Variants in GALR1 observed in about 807,000 individuals in gnomAD.
The protein encoded by GALR1 is galanin receptor 1.
GALR1 carries 11 observed loss-of-function variants against 17.9 expected under a neutral mutation model. That is an observed-to-expected ratio of 0.62 (90% CI 0.39 to 1.02). The LOEUF (loss-of-function observed/expected upper bound fraction) is 1.02, where lower values mean the gene tolerates loss of function less well. Ranked by LOEUF, GALR1 falls within the 50% of genes least tolerant of loss-of-function variation. The probability of loss-of-function intolerance (pLI) is 0.01; values close to 1 mark genes in which losing one functional copy is unlikely to be tolerated. For missense variants in GALR1, 441 were observed against 456.9 expected, an observed-to-expected ratio of 0.97 and a Z score of 0.32; for synonymous variants, 206 against 205.7, an observed-to-expected ratio of 1.00 and a Z score of -0.01.
chr18:77,254,726 G>A (rs751914763), intron 1 of GALR1, among the ~76,000 whole-genome samples: 7 of 152,162 alleles, frequency 4.6e-5, no homozygotes, highest in African/African-American at 1.7e-4. Flanking sequence ...CTGTTCTGTC[G>A]TTGCCTTGCA....
chr18:77,259,219 T>G (rs1301573449), intron 2 of GALR1, among the ~76,000 whole-genome samples: 5 of 70,264 alleles, frequency 7.1e-5, no homozygotes, highest in African/African-American at 2.6e-4. Context: ...TGGTGGCGAT[T>G]GTGGTGATGG....
chr18:77,250,633 A>T lies in GALR1; in HGVS notation c.85A>T (p.Ile29Phe). Reference sequence around the variant, plus strand: ...CCCGGAGCCCGGGCCGCTGTTCGGCATCGGCGTGGAGAACTTCGTCACGCT... The same window carrying T: ...CCCGGAGCCCGGGCCGCTGTTCGGCTTCGGCGTGGAGAACTTCGTCACGCT... ...PAPEPGPLFGIGVENFVTLVV... is the reference protein window; with the variant it reads ...PAPEPGPLFGFGVENFVTLVV... The change falls in exon 1 of 3, where the codon ATC (isoleucine) becomes TTC (phenylalanine). Residue 29 changes from isoleucine (I) to phenylalanine (F), a missense_variant. Coordinates refer to ENST00000299727, the MANE Select transcript of GALR1 (RefSeq NM_001480.4). 2 of 1,596,048 alleles carry T rather than the reference A, an allele frequency of 1.3e-6. No individual in the cohort carries two copies. Among genetic ancestry groups the T allele is most frequent in the Non-Finnish European group, 1.7e-6 (2 of 1,173,114 alleles).
chr18:77,267,324 G>T (rs1912964881), intron 2 of GALR1, among the ~76,000 whole-genome samples: 1 of 152,228 alleles, frequency 6.6e-6, no homozygotes, highest in Non-Finnish European at 1.5e-5. Context: ...CAGTGCATGG[G>T]CTGGGGAGCA....
At position 77,250,593 on chromosome 18, in the gene GALR1, G is replaced by A. The variant is rs1143093; in HGVS notation, c.45G>A (p.Trp15Ter). ...ACCTCAGCGAGGGCAACGCGAGCTG[G>A]CCGGAGCCCCCCGCCCCGGAGCCCG... is the stretch of plus-strand genomic sequence containing the variant. ...VGNLSEGNASWPEPPAPEPGP... is the reference protein window; with the variant it reads ...VGNLSEGNAS Residue 15 changes from tryptophan to a stop codon, truncating the protein, a stop_gained, in exon 1 of 3, where the codon TGG becomes TGA. Transcript: ENST00000299727. LOFTEE classifies it high-confidence loss of function. 1.3e-6 allele frequency: 2 copies of A among 1,550,804 alleles called. No homozygotes were observed. Among genetic ancestry groups the A allele is most frequent in the Admixed American group, 3.8e-5 (2 of 52,184 alleles).
chr18:77,265,875 G>A (rs761964565), intron 2 of GALR1, among the ~76,000 whole-genome samples: 5 of 152,184 alleles, frequency 3.3e-5, no homozygotes, highest in Non-Finnish European at 5.9e-5. Flanking sequence ...CCTGGGCTTG[G>A]ACATGAAACC....
Position 77,257,265 on chromosome 18 carries a change from C to A in GALR1, c.732+1042C>A, listed in dbSNP as rs575887301. 7.2e-5 allele frequency among the ~76,000 whole-genome samples: 11 copies of A among 152,052 alleles called. No individual in the cohort carries two copies. The East Asian group carries it at 2.1e-3, about 29-fold the overall frequency. ...TAGAGAATTGGTTATAGAGCACAAA[C>A]ATTAAGACTTTTTTTTTTCCCTGGC... is the stretch of plus-strand genomic sequence containing the variant. On this transcript the variant is annotated intron_variant, in intron 2 of 2. Transcript: ENST00000299727.
At chr18:77,253,013 CCACCACCACCATCACCACCAT>C (rs1912502598) in intron 1 of GALR1, among the ~76,000 whole-genome samples, 2 of 73,486 alleles carry the variant, frequency 2.7e-5, no homozygotes, top group East Asian at 3.8e-4. Flanking sequence ...ACCACCACCA[CCACCACCACCATCACCACCAT>C]CACCACCACC....
chr18:77,268,648 A>G lies in GALR1; in HGVS notation c.796A>G (p.Ile266Val). ...FGISWLPHHI[I>V]HLWAEFGVFP... ...AATCTCCTGGCTGCCGCACCACATC[A>G]TCCATCTCTGGGCTGAGTTTGGAGT... The change falls in exon 3 of 3, where the codon ATC (isoleucine) becomes GTC (valine). Residue 266 changes from isoleucine to valine, a missense_variant. Physicochemically the swap from Ile to Val is conservative, Grantham distance 29. Coordinates refer to ENST00000299727, the MANE Select transcript of GALR1 (RefSeq NM_001480.4). 6.2e-7 allele frequency: 1 copy of G among 1,613,934 alleles called. No homozygotes were observed. The highest frequency in any genetic ancestry group is 8.5e-7 in the Non-Finnish European group (1 of 1,179,986).
At chr18:77,254,897 G>A (rs1912551546) in intron 1 of GALR1, among the ~76,000 whole-genome samples, 1 of 152,230 alleles carries the variant, frequency 6.6e-6, no homozygotes, top group Admixed American at 6.5e-5. Context: ...CGGTAGGGGA[G>A]AGAATTTAAA....
At chr18:77,256,868 T>A (rs1912603493) in intron 2 of GALR1, among the ~76,000 whole-genome samples, 1 of 152,214 alleles carries the variant, frequency 6.6e-6, no homozygotes, top group South Asian at 2.1e-4. Context: ...GGTCATGATA[T>A]TCTACATTTT....
At chr18:77,260,046 A>G (rs1305774669) in intron 2 of GALR1, among the ~76,000 whole-genome samples, 2 of 152,090 alleles carry the variant, frequency 1.3e-5, no homozygotes, top group African/African-American at 4.8e-5. Context: ...CTTTCTCTCA[A>G]TGTATAAGTA....
At chr18:77,260,330 T>C (rs934073864) in intron 2 of GALR1, among the ~76,000 whole-genome samples, 1 of 151,994 alleles carries the variant, frequency 6.6e-6, no homozygotes, top group African/African-American at 2.4e-5. Context: ...CCATTATTCA[T>C]AGGGTGGGAG....
chr18:77,266,668 A>AT, intron 2 of GALR1, among the ~76,000 whole-genome samples: 1 of 152,362 alleles, frequency 6.6e-6, no homozygotes, highest in African/African-American at 2.4e-5. Flanking sequence ...CAATCATAGC[A>AT]GAAAGGGAAG....
At chr18:77,260,440 G>A (rs117708653) in intron 2 of GALR1, among the ~76,000 whole-genome samples, 1,531 of 152,290 alleles carry the variant, frequency 0.01, 12 homozygotes, top group Non-Finnish European at 0.014. Context: ...CCATTCATAA[G>A]GGCACGGATC....
In GALR1 at chr18:77,251,116, C is replaced by T; in HGVS notation, c.568C>T (p.Gln190Ter). Residue 190 changes from glutamine (Q) to a stop codon, truncating the protein, a stop_gained, in exon 1 of 3, where the codon CAG (glutamine) becomes TAG (stop). Transcript: ENST00000299727. LOFTEE classifies it high-confidence loss of function. The stretch of plus-strand genomic sequence containing the variant: ...CAGCAACCAGACCTTCTGCTGGGAG[C>T]AGTGGCCCGACCCTCGCCACAAGAA... ...RASNQTFCWE[Q>*]WPDPRHKKAY... 2 of 1,612,790 alleles carry T rather than the reference C, an allele frequency of 1.2e-6. No homozygotes were observed.
rs1306778437 is a variant in GALR1 at position 77,252,895 on chromosome 18, AT to A, written c.666+1682del. On this transcript the variant is annotated intron_variant, in intron 1 of 2. Coordinates refer to ENST00000299727, the MANE Select transcript of GALR1 (RefSeq NM_001480.4). ...CACCACCACCATCACCACCACCACC[AT>A]CACCACCACCACCACCACCACCACC... 1.8e-3 allele frequency among the ~76,000 whole-genome samples: 191 copies of A among 108,678 alleles called. 10 individuals carry two copies. Among genetic ancestry groups the A allele is most frequent in the African/African-American group, 5.8e-3 (171 of 29,298 alleles). 71.3% of individuals were successfully genotyped at this position (108,678 alleles called of 152,430 possible).
chr18:77,255,112 A>G (rs1261716433), intron 1 of GALR1, among the ~76,000 whole-genome samples: 1 of 152,212 alleles, frequency 6.6e-6, no homozygotes, highest in East Asian at 1.9e-4. Flanking sequence ...TGGTTGGAAC[A>G]TGGCTTCCGG....
chr18:77,265,985 A>G (rs1912936485), intron 2 of GALR1, among the ~76,000 whole-genome samples: 1 of 152,116 alleles, frequency 6.6e-6, no homozygotes, highest in Non-Finnish European at 1.5e-5. Flanking sequence ...GGTGATTAAC[A>G]TTTGGCTTCT....
chr18:77,261,778 CT>C (rs1417424705), intron 2 of GALR1, among the ~76,000 whole-genome samples: 1 of 152,098 alleles, frequency 6.6e-6, no homozygotes, highest in Admixed American at 6.6e-5. Flanking sequence ...TTTGTTGTGA[CT>C]TTTATGTAAT....
Sources: allele counts gnomAD v4.1 joint callset (sites outside exome capture counted in the v4.1 genomes callset), GRCh38; gene constraint gnomAD v4.1.1; transcripts MANE v1.5; gene names NCBI Gene and HGNC (gene_info 2026-07-23, HGNC 2026-07-21).